EDN1: variants seen among roughly 807,000 people sequenced by gnomAD.
The protein encoded by EDN1 is endothelin 1.
Under a neutral mutation model 21.7 loss-of-function variants are expected in EDN1, and 11 were observed. That is an observed-to-expected ratio of 0.51 (90% CI 0.32 to 0.84). The LOEUF (loss-of-function observed/expected upper bound fraction) is 0.84, where lower values mean the gene tolerates loss of function less well. Ranked by LOEUF, EDN1 falls within the 40% of genes least tolerant of loss-of-function variation. EDN1 has a pLI of 0.03. For missense variants in EDN1, 244 were observed against 262.3 expected, an observed-to-expected ratio of 0.93 and a Z score of 0.48; for synonymous variants, 85 against 90.6, an observed-to-expected ratio of 0.94 and a Z score of 0.35.
At chr6:12,246,668 G>A in the EDN1 span, among the ~76,000 whole-genome samples, 2 of 71,072 alleles carry the variant, frequency 2.8e-5, no homozygotes, top group Admixed American at 1.3e-4. Flanking sequence ...TTTCTCCCTC[G>A]ATCTTGTTGT....
the EDN1 span, among the ~76,000 whole-genome samples, chr6:12,255,449 T>C: frequency 1.3e-5 from 2 of 152,352 alleles, no homozygotes; most frequent in South Asian, 4.1e-4. Flanking sequence ...GTCAGTGATA[T>C]CTGATGGCTA....
chr6:12,272,582 GGA>G, the EDN1 span, among the ~76,000 whole-genome samples: 1 of 151,256 alleles, frequency 6.6e-6, no homozygotes, highest in African/African-American at 2.4e-5. Context: ...CTCAGCCTCC[GGA>G]GTAGCTGGGA....
At chr6:12,293,920 C>A (rs1319501007) in intron 2 of EDN1, 21 bp from the exon 3 acceptor site, 3 of 1,613,762 alleles carry the variant, frequency 1.9e-6, no homozygotes, top group Admixed American at 1.7e-5. Flanking sequence ...AATATAGTTT[C>A]TTTCTCTCTT....
the EDN1 span, among the ~76,000 whole-genome samples, chr6:12,246,518 G>T: frequency 3.2e-4 from 49 of 152,244 alleles, no homozygotes; most frequent in African/African-American, 1.2e-3. Flanking sequence ...GATCCTGGGC[G>T]TGCACACACA....
At chr6:12,255,660 G>A in the EDN1 span, among the ~76,000 whole-genome samples, 2 of 152,218 alleles carry the variant, frequency 1.3e-5, no homozygotes, top group Middle Eastern at 3.2e-3. Flanking sequence ...TAGCGTCCCT[G>A]AGATAGTTCC....
chr6:12,255,287 T>C, the EDN1 span, among the ~76,000 whole-genome samples: 30 of 152,268 alleles, frequency 2.0e-4, no homozygotes, highest in African/African-American at 6.7e-4. Context: ...ATTCCTGGAA[T>C]TCAAGAATAG....
At chr6:12,290,129 T>TA, upstream of EDN1, among the ~76,000 whole-genome samples, 1 of 152,192 alleles carries the variant, frequency 6.6e-6, no homozygotes, top group Non-Finnish European at 1.5e-5. Context: ...CAAAGGTCTC[T>TA]AATGGGTATT....
At chr6:12,256,992 C>A in the EDN1 span, among the ~76,000 whole-genome samples, 2 of 151,992 alleles carry the variant, frequency 1.3e-5, no homozygotes, top group African/African-American at 4.8e-5. Context: ...AAACTAAAAT[C>A]ATGTACAACA....
At chr6:12,239,768 G>T in the EDN1 span, among the ~76,000 whole-genome samples, 6 of 152,176 alleles carry the variant, frequency 3.9e-5, no homozygotes, top group Admixed American at 3.3e-4. Context: ...AATTAGCTGG[G>T]CATGGTGGTG....
chr6:12,294,444 A>G (rs1195674355), intron 4 of EDN1, 40 bp downstream of exon 4: 1 of 1,612,182 alleles, frequency 6.2e-7, no homozygotes, highest in Middle Eastern at 1.7e-4. Context: ...GAGGTTCACA[A>G]GAACAACTAG....
the EDN1 span, among the ~76,000 whole-genome samples, chr6:12,275,827 G>A: frequency 1.3e-5 from 2 of 151,848 alleles, no homozygotes; most frequent in African/African-American, 4.8e-5. Context: ...GTGTGTGTGT[G>A]TGGATGCATG....
the EDN1 span, among the ~76,000 whole-genome samples, chr6:12,270,243 T>C: frequency 6.6e-6 from 1 of 152,188 alleles, no homozygotes; most frequent in African/African-American, 2.4e-5. Context: ...TTATTGGTTA[T>C]GTTGATCTTT....
chr6:12,284,720 AAAGGAAGGAAGGAAGG>A, the EDN1 span, among the ~76,000 whole-genome samples: 51 of 127,582 alleles, frequency 4.0e-4, no homozygotes, highest in African/African-American at 1.1e-3. Flanking sequence ...AGAAAGAAGG[AAAGGAAGGAAGGAAGG>A]AAGGAAGGAA....
chr6:12,231,423 A>G, the EDN1 span, among the ~76,000 whole-genome samples: 2 of 152,268 alleles, frequency 1.3e-5, no homozygotes, highest in African/African-American at 4.8e-5. Context: ...TATGGAGTGA[A>G]ATCCATTCAA....
chr6:12,241,913 AG>A, the EDN1 span, among the ~76,000 whole-genome samples: 1 of 152,246 alleles, frequency 6.6e-6, no homozygotes, highest in Non-Finnish European at 1.5e-5. Context: ...CTTTTGAAAG[AG>A]TCAAGCCCAT....
At chr6:12,240,517 T>G in the EDN1 span, among the ~76,000 whole-genome samples, 1 of 152,198 alleles carries the variant, frequency 6.6e-6, no homozygotes, top group African/African-American at 2.4e-5. Context: ...TGTGTTGTAT[T>G]AGGTAACTTA....
chr6:12,293,095 G>C (rs1222535004), intron 2 of EDN1, among the ~76,000 whole-genome samples: 2 of 152,094 alleles, frequency 1.3e-5, no homozygotes, highest in Non-Finnish European at 2.9e-5. Context: ...CTGTCCATAG[G>C]CTTCTCTTTC....
chr6:12,270,566 ATATATTTGTAT>A, the EDN1 span, among the ~76,000 whole-genome samples: 2 of 151,974 alleles, frequency 1.3e-5, no homozygotes, highest in Admixed American at 1.3e-4. Flanking sequence ...TTTAATTTCT[ATATATTTGTAT>A]GTTTTCCAAA....
the EDN1 span, among the ~76,000 whole-genome samples, chr6:12,267,488 T>G: frequency 1.3e-5 from 2 of 152,200 alleles, no homozygotes; most frequent in African/African-American, 2.4e-5. Context: ...AGCATTTCCT[T>G]AAGCCAAAAT....
Sources: gnomAD v4.1 joint callset for allele counts (sites outside exome capture counted in the v4.1 genomes callset) on GRCh38, gnomAD v4.1.1 for gene constraint, MANE v1.5 for transcripts, NCBI Gene and HGNC (gene_info 2026-07-23, HGNC 2026-07-21) for gene names.